PARP2: variants seen among roughly 807,000 people sequenced by gnomAD.
PARP2 encodes the protein poly(ADP-ribose) polymerase 2.
In PARP2, 57 loss-of-function variants were observed where a neutral mutation model predicts 77.8. That is an observed-to-expected ratio of 0.73 (90% confidence interval 0.59 to 0.91). The LOEUF (loss-of-function observed/expected upper bound fraction) is 0.91, where lower values mean the gene tolerates loss of function less well. Ranked by LOEUF, PARP2 falls within the 40% of genes least tolerant of loss-of-function variation. The pLI, the probability that PARP2 is intolerant of heterozygous loss-of-function variation, is 0.00. For synonymous variants in PARP2, 226 were observed against 242.6 expected (o/e 0.93, Z 0.64); for missense variants, 651 against 689.0 (o/e 0.94, Z 0.62).
chr14:20,352,282 GA>G lies in PARP2; in HGVS notation c.539del (p.Lys180SerfsTer36), dbSNP rs760656416. The G allele has an allele frequency of 6.2e-6, 10 of 1,613,312 alleles. No homozygotes were observed. The highest frequency in any genetic ancestry group is 1.6e-4 in the Middle Eastern group (1 of 6,082). ...AACGAAAAACAATTGGGAAGATCGAGAAAAGTTTGAGAAGGTGCCTGGAAAA... is the reference window on the plus strand; with the variant it reads ...AACGAAAAACAATTGGGAAGATCGAGAAAGTTTGAGAAGGTGCCTGGAAAA... ...DKTKNNWEDR[E>X]KFEKVPGKYD... On this transcript the variant is annotated frameshift_variant, in exon 7 of 16. Coordinates refer to ENST00000429687, the MANE Select transcript of PARP2 (RefSeq NM_001042618.2). LOFTEE classifies it high-confidence loss of function.
At chr14:20,349,285 A>G (rs1223055701) in intron 4 of PARP2, among the ~76,000 whole-genome samples, 4 of 152,164 alleles carry the variant, frequency 2.6e-5, no homozygotes, top group Non-Finnish European at 5.9e-5. Flanking sequence ...GAGCCATTGC[A>G]CTCCAGCCTG....
At chr14:20,355,454 C>T (rs557259196) in intron 9 of PARP2, 22 of 228,098 alleles carry the variant, frequency 9.6e-5, no homozygotes, top group Admixed American at 7.7e-4. Flanking sequence ...GAACTGTATC[C>T]AACTGTTCCC....
At chr14:20,346,999 C>A in intron 4 of PARP2, 86 bp downstream of exon 4, 147 of 694,184 alleles carry the variant, frequency 2.1e-4, no homozygotes, top group Non-Finnish European at 3.2e-4. Context: ...GTGTTCAGAT[C>A]TTTAAAGTCC....
At position 20,356,598 on chromosome 14, in the gene PARP2, T is replaced by C; in HGVS notation, c.1238T>C (p.Leu413Pro). The C allele has an allele frequency of 6.2e-7, 1 of 1,613,960 alleles. No homozygotes were observed. Among genetic ancestry groups the C allele is most frequent in the Non-Finnish European group, 8.5e-7 (1 of 1,179,780 alleles). ...TATTGGCTTTTCCTTAGGATGCTTCTATGGCATGGTTCCAGGATGAGTAAC... is the reference window on the plus strand; with the variant it reads ...TATTGGCTTTTCCTTAGGATGCTTCCATGGCATGGTTCCAGGATGAGTAAC... ...FREDLHNRML[L>P]WHGSRMSNWV... Residue 413 changes from leucine to proline, a missense_variant, in exon 13 of 16, where the codon CTA becomes CCA. Leu to Pro is a moderately conservative substitution (Grantham distance 98, BLOSUM62 -3). Transcript: ENST00000429687.
intron 2 of PARP2, 75 bp downstream of exon 2, chr14:20,345,162 C>T (rs371025002): frequency 2.0e-6 from 3 of 1,517,194 alleles, no homozygotes; most frequent in Non-Finnish European, 2.7e-6. Flanking sequence ...CTTGTTATTT[C>T]AACTCCTATT....
Position 20,355,736 on chromosome 14 carries a change from A to G in PARP2, c.903-16A>G, listed in dbSNP as rs779089979. 1.2e-6 allele frequency: 2 copies of G among 1,607,948 alleles called. No individual in the cohort carries two copies. Among genetic ancestry groups the G allele is most frequent in the South Asian group, 2.2e-5 (2 of 90,934 alleles). On this transcript the variant is annotated splice_polypyrimidine_tract_variant and intron_variant, in intron 9 of 15. Coordinates refer to ENST00000429687, the MANE Select transcript of PARP2 (RefSeq NM_001042618.2). ...CATGTCAGAAAGCTCATTATGGGTT[A>G]TATCTCTGTTCTTAGACTCCGTACT...
intron 4 of PARP2, 26 bp downstream of exon 4, chr14:20,346,939 A>G (rs772339341): frequency 1.1e-5 from 16 of 1,470,578 alleles, no homozygotes; most frequent in Non-Finnish European, 9.5e-7. Context: ...AGGTGGCACC[A>G]TTATATTTAT....
At position 20,356,428 on chromosome 14, in the gene PARP2, A is replaced by G. The variant is rs1397364469; in HGVS notation, c.1223A>G (p.His408Arg). 2.5e-6 allele frequency: 4 copies of G among 1,614,208 alleles called. No homozygotes were observed. The highest frequency in any genetic ancestry group is 2.2e-5 in the East Asian group (1 of 44,886). The change falls in exon 12 of 16, where the codon CAT becomes CGT. Residue 408 changes from histidine to arginine, a missense_variant. Coordinates refer to ENST00000429687, the MANE Select transcript of PARP2 (RefSeq NM_001042618.2). ...GEKEAFREDL[H>R]NRMLLWHGSR... Reference sequence around the variant, plus strand: ...AAAGAAGCCTTCAGAGAGGACCTTCATAACAGGTCTGAGTCTAGCTTTGCG... The same window carrying G: ...AAAGAAGCCTTCAGAGAGGACCTTCGTAACAGGTCTGAGTCTAGCTTTGCG...
In PARP2 at chr14:20,352,269, T is replaced by G. The variant is rs1040060515; in HGVS notation, c.522T>G (p.Asn174Lys). 2.5e-6 allele frequency: 4 copies of G among 1,612,566 alleles called. No homozygotes were observed. The highest frequency in any genetic ancestry group is 1.6e-4 in the Middle Eastern group (1 of 6,078). The change falls in exon 7 of 16, where the codon AAT (asparagine) becomes AAG (lysine). Residue 174 changes from asparagine (N) to lysine (K), a missense_variant. Coordinates refer to ENST00000429687, the MANE Select transcript of PARP2 (RefSeq NM_001042618.2). ...QKKFLDKTKN[N>K]WEDREKFEKV... ...GATTCCTTGACAAAACGAAAAACAA[T>G]TGGGAAGATCGAGAAAAGTTTGAGA...
chr14:20,352,868 T>G (rs1760917), intron 7 of PARP2: 15,286 of 145,638 alleles, frequency 0.1, 1,230 homozygotes, highest in African/African-American at 0.23. Flanking sequence ...GCTCTGTTAT[T>G]TACTAAGGTT....
At position 20,355,832 on chromosome 14, in the gene PARP2, T is replaced by C. The variant is rs2138947906; in HGVS notation, c.966+17T>C. 6.2e-7 allele frequency: 1 copy of C among 1,613,144 alleles called. No homozygotes were observed. The highest frequency in any genetic ancestry group is 8.5e-7 in the Non-Finnish European group (1 of 1,179,100). The stretch of plus-strand genomic sequence containing the variant: ...TTACTAGAGGTGAGATATGTATGAT[T>C]TGAGAAGTATTATATCCCTTATACC... On this transcript the variant is annotated intron_variant, in intron 10 of 15. Coordinates refer to ENST00000429687, the MANE Select transcript of PARP2 (RefSeq NM_001042618.2).
Position 20,352,351 on chromosome 14 carries a change from ACT to A in PARP2, c.600+8_600+9del, listed in dbSNP as rs1417736506. 3.3e-6 allele frequency: 5 copies of A among 1,514,272 alleles called. No homozygotes were observed. Among genetic ancestry groups the A allele is most frequent in the South Asian group, 1.1e-5 (1 of 88,440 alleles). 93.8% of individuals were successfully genotyped at this position (1,514,272 alleles called of 1,614,324 possible). ...GGACTATGCCACCAATACTCAGGTA[ACT>A]CTCACTATACTTTTCGAAAGAAACA... On this transcript the variant is annotated splice_donor_5th_base_variant and intron_variant, in intron 7 of 15. Transcript: ENST00000429687.
Position 20,356,447 on chromosome 14 carries a change from C to T in PARP2, c.1229+13C>T. The T allele has an allele frequency of 6.2e-7, 1 of 1,614,078 alleles. No homozygotes were observed. The highest frequency in any genetic ancestry group is 8.5e-7 in the Non-Finnish European group (1 of 1,179,960). ...ACCTTCATAACAGGTCTGAGTCTAG[C>T]TTTGCGTTTGGAAAGACACTCCTTG... On this transcript the variant is annotated intron_variant, in intron 12 of 15. Coordinates refer to ENST00000429687, the MANE Select transcript of PARP2 (RefSeq NM_001042618.2).
intron 9 of PARP2, 74 bp from the exon 10 acceptor site, chr14:20,355,678 A>G (rs756331540): frequency 4.1e-5 from 48 of 1,164,434 alleles, no homozygotes; most frequent in East Asian, 2.1e-4. Flanking sequence ...CCTATCTGTC[A>G]TTTTCTATTT....
At chr14:20,356,885 G>T in intron 13 of PARP2, 166 bp from the exon 14 acceptor site, 2 of 674,036 alleles carry the variant, frequency 3.0e-6, no homozygotes, top group Non-Finnish European at 2.6e-6. Context: ...CTCAGAAGGC[G>T]GAAATTCACA....
Position 20,352,421 on chromosome 14 carries a change from T to C in PARP2, c.600+74T>C. On this transcript the variant is annotated intron_variant, in intron 7 of 15. Coordinates refer to ENST00000429687, the MANE Select transcript of PARP2 (RefSeq NM_001042618.2). ...TTATTTTTTAGAGGCAAAACTGTGCTCTGTTGCCCAGGCTGGGTGGCACAA... is the reference window on the plus strand; with the variant it reads ...TTATTTTTTAGAGGCAAAACTGTGCCCTGTTGCCCAGGCTGGGTGGCACAA... 5 of 916,048 alleles carry C rather than the reference T, an allele frequency of 5.5e-6. No individual in the cohort carries two copies. The South Asian group carries it at 7.7e-5, about 14-fold the overall frequency. 56.7% of individuals were successfully genotyped at this position (916,048 alleles called of 1,614,324 possible). A position where few individuals can be genotyped will look rare whatever the true frequency, so the allele number is the denominator to read the frequency against.
Position 20,352,243 on chromosome 14 carries a change from A to T in PARP2, c.498-2A>T, listed in dbSNP as rs758843664. The T allele has an allele frequency of 1.1e-5, 18 of 1,585,718 alleles. No homozygotes were observed. The highest frequency in any genetic ancestry group is 9.5e-6 in the Non-Finnish European group (11 of 1,154,174). ...AGTTTTCTTACACCTTGGACTCTACAGATTCCTTGACAAAACGAAAAACAA... is the reference window on the plus strand; with the variant it reads ...AGTTTTCTTACACCTTGGACTCTACTGATTCCTTGACAAAACGAAAAACAA... On this transcript the variant is annotated splice_acceptor_variant, in intron 6 of 15. Coordinates refer to ENST00000429687, the MANE Select transcript of PARP2 (RefSeq NM_001042618.2). LOFTEE classifies it high-confidence loss of function.
In PARP2 at chr14:20,346,922, CAAG is replaced by C. The variant is rs758718052; in HGVS notation, c.324+14_324+16del. 5.7e-6 allele frequency: 9 copies of C among 1,572,496 alleles called. No homozygotes were observed. The highest frequency in any genetic ancestry group is 7.9e-6 in the Non-Finnish European group (9 of 1,144,462). On this transcript the variant is annotated intron_variant, in intron 4 of 15. Transcript: ENST00000429687. ...ATGTCATGCTAAATCAGGTAAGAGGCAAGAAGAGGTGGCACCATTATATTTATG... is the reference window on the plus strand; with the variant it reads ...ATGTCATGCTAAATCAGGTAAGAGGCAAGAGGTGGCACCATTATATTTATG...
Position 20,356,647 on chromosome 14 carries a change from G to A in PARP2, c.1287G>A (p.Gly429=), listed in dbSNP as rs761543072. 25 of 1,614,122 alleles carry A rather than the reference G, an allele frequency of 1.5e-5. No individual in the cohort carries two copies. Among genetic ancestry groups the A allele is most frequent in the Non-Finnish European group, 2.1e-5 (25 of 1,179,968 alleles). ...ACTGGGTGGGAATCTTGAGCCATGG[G>A]CTTCGAATTGCCCCACCTGAAGCTC... ...MSNWVGILSH[G]LRIAPPEAPI... Residue 429 remains glycine, a synonymous_variant, in exon 13 of 16, where the codon GGG becomes GGA. Transcript: ENST00000429687.
Sources: gnomAD v4.1 joint callset for allele counts (sites outside exome capture counted in the v4.1 genomes callset) on GRCh38, gnomAD v4.1.1 for gene constraint, MANE v1.5 for transcripts, NCBI Gene and HGNC (gene_info 2026-07-23, HGNC 2026-07-21) for gene names.